Variants in ENTREP2 observed in about 807,000 individuals in gnomAD.
ENTREP2 encodes endosomal transmembrane epsin interactor 2, also known as protein ENTREP2.
chr15:29,511,099 G>A, the ENTREP2 span, among the ~76,000 whole-genome samples: 1 of 152,188 alleles, frequency 6.6e-6, no homozygotes, highest in African/African-American at 2.4e-5. Context: ...TAGATGACGG[G>A]TTGATGGGTG....
At chr15:29,144,957 G>A in the ENTREP2 span, among the ~76,000 whole-genome samples, 3 of 152,300 alleles carry the variant, frequency 2.0e-5, no homozygotes, top group South Asian at 2.1e-4. Context: ...TAAGGAGGCT[G>A]AGGCAGGAGA....
At chr15:29,269,330 G>A in the ENTREP2 span, 15 of 1,614,044 alleles carry the variant, frequency 9.3e-6, no homozygotes, top group Non-Finnish European at 1.3e-5. Context: ...CGTTTGAAGA[G>A]GTCGGGGAAG....
At chr15:29,189,752 G>A in the ENTREP2 span, among the ~76,000 whole-genome samples, 1 of 152,118 alleles carries the variant, frequency 6.6e-6, no homozygotes, top group Non-Finnish European at 1.5e-5. Context: ...AAAAAATACT[G>A]TGAATACTGG....
chr15:29,123,677 G>A, the ENTREP2 span: 7 of 1,541,580 alleles, frequency 4.5e-6, no homozygotes, highest in African/African-American at 2.8e-5. Context: ...GGGCAAAAGT[G>A]CAGTTCAAAA....
chr15:29,467,855 T>C, the ENTREP2 span, among the ~76,000 whole-genome samples: 16 of 152,184 alleles, frequency 1.1e-4, no homozygotes, highest in Non-Finnish European at 1.9e-4. Context: ...GTGCCTAACT[T>C]GGGGTACCCA....
chr15:29,536,386 G>A, the ENTREP2 span, among the ~76,000 whole-genome samples: 1 of 152,034 alleles, frequency 6.6e-6, no homozygotes, highest in South Asian at 2.1e-4. Context: ...TGTCACCGAG[G>A]CACTACATTA....
the ENTREP2 span, among the ~76,000 whole-genome samples, chr15:29,650,158 C>A: frequency 6.6e-6 from 1 of 151,900 alleles, no homozygotes; most frequent in African/African-American, 2.4e-5. Context: ...AGTAGAAAAG[C>A]CACTGCAATA....
At chr15:29,420,510 C>A in the ENTREP2 span, among the ~76,000 whole-genome samples, 1 of 152,062 alleles carries the variant, frequency 6.6e-6, no homozygotes, top group African/African-American at 2.4e-5. Flanking sequence ...GGCCAGCTCA[C>A]CGGGTATGCA....
the ENTREP2 span, chr15:29,137,245 G>GT: frequency 2.1e-6 from 3 of 1,423,142 alleles, no homozygotes; most frequent in Non-Finnish European, 2.8e-6. Flanking sequence ...TGTGTGGCTT[G>GT]TGTCTCATTA....
At chr15:29,579,686 A>ATTTTTTTTTTTTTTTT in the ENTREP2 span, among the ~76,000 whole-genome samples, 2 of 55,822 alleles carry the variant, frequency 3.6e-5, 1 homozygote, top group African/African-American at 1.8e-4. Context: ...CACCCAGCTA[A>ATTTTTTTTTTTTTTTT]TTTTTTTTTT....
chr15:29,556,769 C>G, the ENTREP2 span, among the ~76,000 whole-genome samples: 70 of 103,942 alleles, frequency 6.7e-4, no homozygotes, highest in South Asian at 3.2e-3. Flanking sequence ...GGTGCCCCCC[C>G]CCCGCCCCAC....
the ENTREP2 span, among the ~76,000 whole-genome samples, chr15:29,461,859 G>C: frequency 6.6e-6 from 1 of 152,044 alleles, no homozygotes; most frequent in Non-Finnish European, 1.5e-5. Context: ...CCCATCTTCA[G>C]AACGTCTTCC....
At chr15:29,272,979 T>TG in the ENTREP2 span, among the ~76,000 whole-genome samples, 8 of 152,046 alleles carry the variant, frequency 5.3e-5, no homozygotes, top group Non-Finnish European at 1.0e-4. Context: ...CAGCATCAGG[T>TG]GGTTGGTTTA....
the ENTREP2 span, among the ~76,000 whole-genome samples, chr15:29,330,137 G>C: frequency 6.6e-5 from 10 of 152,084 alleles, no homozygotes; most frequent in Non-Finnish European, 1.0e-4. Context: ...CCCCTGATGT[G>C]ATGAGATAAG....
the ENTREP2 span, among the ~76,000 whole-genome samples, chr15:29,189,934 T>C: frequency 1.9e-3 from 290 of 152,356 alleles, 2 homozygotes; most frequent in African/African-American, 6.8e-3. Flanking sequence ...TCAGTAGCAC[T>C]TGTCCATCAC....
At chr15:29,234,786 C>T in the ENTREP2 span, 1 of 1,488,024 alleles carries the variant, frequency 6.7e-7, no homozygotes, top group Non-Finnish European at 9.4e-7. Flanking sequence ...AATATTACTC[C>T]ATCTCCAGAG....
the ENTREP2 span, among the ~76,000 whole-genome samples, chr15:29,216,440 A>G: frequency 0.067 from 10,135 of 152,184 alleles, 1,170 homozygotes; most frequent in African/African-American, 0.23. Flanking sequence ...ATGACAATGT[A>G]CCTAGGTGAT....
At chr15:29,190,603 GGGAGGGTGCCTGACAGGAAGCAAGTAGTT>G in the ENTREP2 span, among the ~76,000 whole-genome samples, 3 of 152,180 alleles carry the variant, frequency 2.0e-5, no homozygotes, top group Non-Finnish European at 2.9e-5. Context: ...GAGGAAGGAG[GGGAGGGTGCCTGACAGGAAGCAAGTAGTT>G]GGACAAATCT....
the ENTREP2 span, chr15:29,151,879 C>A: frequency 1.4e-6 from 2 of 1,463,362 alleles, no homozygotes; most frequent in Non-Finnish European, 9.3e-7. Context: ...AGCCTCATCC[C>A]GAAATAGATA....
Sources: gnomAD v4.1 joint callset for allele counts (sites outside exome capture counted in the v4.1 genomes callset) on GRCh38, gnomAD v4.1.1 for gene constraint, MANE v1.5 for transcripts, NCBI Gene and HGNC (gene_info 2026-07-23, HGNC 2026-07-21) for gene names.